WDR7: variants seen among roughly 807,000 people sequenced by gnomAD.
The protein encoded by WDR7 is WD repeat-containing protein 7.
A neutral mutation model predicts 169.4 loss-of-function variants in WDR7; 46 were observed. That is an observed-to-expected ratio of 0.27 (90% CI 0.21 to 0.35). WDR7 has a LOEUF of 0.35. WDR7 is among the 10% of genes least tolerant of loss of function. The probability of loss-of-function intolerance (pLI) is 1.00; values close to 1 mark genes in which losing one functional copy is unlikely to be tolerated. For synonymous variants in WDR7, 612 were observed against 666.8 expected (o/e 0.92, Z 1.27); for missense variants, 1,534 against 1,859.3 (o/e 0.83, Z 3.22).
At chr18:56,714,621 C>CA (rs1292837771) in intron 12 of WDR7, among the ~76,000 whole-genome samples, 2 of 151,830 alleles carry the variant, frequency 1.3e-5, no homozygotes, top group Non-Finnish European at 2.9e-5. Context: ...ACCATGTTAG[C>CA]CAGGCTGGTC....
intron 21 of WDR7, among the ~76,000 whole-genome samples, chr18:56,891,408 A>G (rs929748426): frequency 1.2e-4 from 18 of 152,090 alleles, no homozygotes; most frequent in African/African-American, 4.3e-4. Context: ...CTCCTACCTC[A>G]CAGTTATTGT....
At chr18:56,738,448 C>T (rs2026748747) in intron 14 of WDR7, among the ~76,000 whole-genome samples, 1 of 152,088 alleles carries the variant, frequency 6.6e-6, no homozygotes, top group Non-Finnish European at 1.5e-5. Flanking sequence ...GTCCCAGCTG[C>T]TCTAGGGGCT....
intron 14 of WDR7, among the ~76,000 whole-genome samples, chr18:56,736,401 A>G (rs2026699721): frequency 6.6e-6 from 1 of 152,056 alleles, no homozygotes; most frequent in African/African-American, 2.4e-5. Context: ...TTGTTTGTAA[A>G]GTTTTCCTTT....
rs386387798 is a variant in WDR7 at position 56,820,339 on chromosome 18, C to CAAAAAAAAAAAAAAAAAAAAAAA, written c.3304+4198_3304+4220dup. On this transcript the variant is annotated intron_variant, in intron 20 of 27. Transcript: ENST00000254442. Reference sequence around the variant, plus strand: ...AAGGGTCAAGAGTCACTGACATTGTCAAAAAAAAAAAAAAAAAAAAAAAAA... The same window carrying CAAAAAAAAAAAAAAAAAAAAAAA: ...AAGGGTCAAGAGTCACTGACATTGTCAAAAAAAAAAAAAAAAAAAAAAAAAAAAAAAAAAAAAAAAAAAAAAAA... Among the ~76,000 whole-genome samples, 2 of 42,474 alleles carry CAAAAAAAAAAAAAAAAAAAAAAA rather than the reference C, an allele frequency of 4.7e-5. 1 individual carries two copies. Among genetic ancestry groups the CAAAAAAAAAAAAAAAAAAAAAAA allele is most frequent in the Non-Finnish European group, 7.6e-5 (2 of 26,256 alleles). 27.9% of individuals were successfully genotyped at this position (42,474 alleles called of 152,430 possible). A position where few individuals can be genotyped will look rare whatever the true frequency, so the allele number is the denominator to read the frequency against.
At chr18:56,906,834 G>A (rs1359665854) in intron 21 of WDR7, among the ~76,000 whole-genome samples, 3 of 152,070 alleles carry the variant, frequency 2.0e-5, no homozygotes, top group Admixed American at 2.0e-4. Context: ...GAGCCACCAT[G>A]CCCAGTCTAC....
At chr18:56,987,420 C>T (rs1040516310) in intron 26 of WDR7, among the ~76,000 whole-genome samples, 3 of 152,040 alleles carry the variant, frequency 2.0e-5, no homozygotes, top group African/African-American at 7.2e-5. Context: ...CCGCGGCCAG[C>T]CCTGATATAC....
intron 20 of WDR7, among the ~76,000 whole-genome samples, chr18:56,857,474 C>A (rs2045738754): frequency 6.6e-6 from 1 of 152,090 alleles, no homozygotes. Context: ...CCAGGCCGGT[C>A]ACGAACTCCT....
chr18:56,871,262 T>G (rs573037404), intron 20 of WDR7, among the ~76,000 whole-genome samples: 10 of 152,184 alleles, frequency 6.6e-5, no homozygotes, highest in Admixed American at 1.3e-4. Context: ...TCTTTAATAA[T>G]TAATCAAAAT....
intron 19 of WDR7, among the ~76,000 whole-genome samples, chr18:56,794,848 T>C (rs916907838): frequency 3.9e-5 from 6 of 152,192 alleles, no homozygotes; most frequent in African/African-American, 1.4e-4. Context: ...AATCATCTAC[T>C]TGTCTTTAGC....
chr18:56,781,970 G>A (rs76901353), intron 19 of WDR7: 2,476 of 177,264 alleles, frequency 0.014, 24 homozygotes, highest in East Asian at 0.03. Context: ...TATGCTTATG[G>A]ATGCCAGCTT....
chr18:56,990,091 C>A (rs888394763), intron 26 of WDR7, among the ~76,000 whole-genome samples: 45 of 152,274 alleles, frequency 3.0e-4, no homozygotes, highest in African/African-American at 9.9e-4. Flanking sequence ...CCATCCTAAG[C>A]AGAAAACTAT....
At chr18:56,687,056 A>G (rs2025458132) in intron 7 of WDR7, 82 bp downstream of exon 7, 5 of 1,318,618 alleles carry the variant, frequency 3.8e-6, no homozygotes, top group African/African-American at 1.5e-5. Context: ...ACCCTAAAGA[A>G]GTACTTGGTG....
chr18:56,910,185 A>G (rs907391875), intron 21 of WDR7, among the ~76,000 whole-genome samples: 1 of 152,214 alleles, frequency 6.6e-6, no homozygotes, highest in Admixed American at 6.5e-5. Flanking sequence ...TCAAAAGTGA[A>G]CAGGAGTGTA....
intron 19 of WDR7, among the ~76,000 whole-genome samples, chr18:56,792,140 T>C (rs1264899692): frequency 6.6e-6 from 1 of 152,096 alleles, no homozygotes; most frequent in Non-Finnish European, 1.5e-5. Context: ...GGCTCAGCCT[T>C]CCACGTAGCT....
intron 21 of WDR7, among the ~76,000 whole-genome samples, chr18:56,914,055 G>A (rs966359400): frequency 2.0e-5 from 3 of 152,028 alleles, no homozygotes; most frequent in African/African-American, 7.2e-5. Context: ...CATTTAAAAG[G>A]CCCAGCATGA....
chr18:57,025,193 G>T (rs943735173), intron 27 of WDR7, among the ~76,000 whole-genome samples: 1 of 152,148 alleles, frequency 6.6e-6, no homozygotes, highest in African/African-American at 2.4e-5. Context: ...TGAATTACCA[G>T]CAGAAGTCAA....
the WDR7 span, chr18:57,036,438 A>G: frequency 6.6e-6 from 1 of 152,488 alleles, no homozygotes; most frequent in East Asian, 1.9e-4. Flanking sequence ...TCTTTGCTTC[A>G]GTTTGGAACA....
chr18:56,972,428 T>G (rs1293372382), intron 26 of WDR7, among the ~76,000 whole-genome samples: 1 of 152,164 alleles, frequency 6.6e-6, no homozygotes, highest in African/African-American at 2.4e-5. Flanking sequence ...GGCACTTATG[T>G]GGTGATTGCA....
Position 56,889,327 on chromosome 18 carries a change from T to C in WDR7, c.3526+9162T>C, listed in dbSNP as rs370275936. On this transcript the variant is annotated intron_variant, in intron 21 of 27. Coordinates refer to ENST00000254442, the MANE Select transcript of WDR7 (RefSeq NM_015285.3). ...CTTTTTAATTCCAACTCCATACATA[T>C]CTCTTGTTACCCTGAAAGACATTTT... Among the ~76,000 whole-genome samples, 9 of 152,166 alleles carry C rather than the reference T, an allele frequency of 5.9e-5. No homozygotes were observed. The East Asian group carries it at 1.5e-3, about 26-fold the overall frequency.
Sources: gnomAD v4.1 joint callset for allele counts (sites outside exome capture counted in the v4.1 genomes callset) on GRCh38, gnomAD v4.1.1 for gene constraint, MANE v1.5 for transcripts, NCBI Gene and HGNC (gene_info 2026-07-23, HGNC 2026-07-21) for gene names.